RASL12: variants seen among roughly 807,000 people sequenced by gnomAD.
RASL12 encodes RAS like family 12, also known as ras-like protein family member 12.
Under a neutral mutation model 22.9 loss-of-function variants are expected in RASL12, and 16 were observed. The observed-to-expected ratio is 0.70, with a 90% CI of 0.47 to 1.06. RASL12 has a LOEUF of 1.06. Among genes scored for constraint, RASL12 ranks in the 50% least tolerant of loss-of-function variants. The pLI is 0.00. For synonymous variants in RASL12, 159 were observed against 152.2 expected, an observed-to-expected ratio of 1.04 and a Z score of -0.33; for missense variants, 306 against 353.1, an observed-to-expected ratio of 0.87 and a Z score of 1.07.
At chr15:65,070,960 G>T (rs1007342266), upstream of RASL12, among the ~76,000 whole-genome samples, 13 of 152,146 alleles carry the variant, frequency 8.5e-5, no homozygotes, top group African/African-American at 2.9e-4. Flanking sequence ...CAGGAGTCCT[G>T]ACTCCCAGTC....
At chr15:65,061,008 C>A (rs2086796602) in intron 2 of RASL12, among the ~76,000 whole-genome samples, 1 of 152,258 alleles carries the variant, frequency 6.6e-6, no homozygotes, top group African/African-American at 2.4e-5. Context: ...TAGATGCTTA[C>A]ATCGCTTTCA....
At chr15:65,051,630 G>T, downstream of RASL12, 1 of 1,609,440 alleles carries the variant, frequency 6.2e-7, no homozygotes, top group Non-Finnish European at 8.5e-7. Context: ...CTGGGGGGAT[G>T]GGGTGGTCTC....
chr15:65,053,200 C>T (rs2086678908), downstream of RASL12: 1 of 1,610,106 alleles, frequency 6.2e-7, no homozygotes, highest in Non-Finnish European at 8.5e-7. Flanking sequence ...AAGCCAGACA[C>T]ATGATGTGGG....
At chr15:65,065,890 A>T (rs1226074543) in intron 1 of RASL12, among the ~76,000 whole-genome samples, 2 of 152,118 alleles carry the variant, frequency 1.3e-5, no homozygotes, top group African/African-American at 4.8e-5. Flanking sequence ...ATCTCAGCAG[A>T]ATGTAAAACT....
At chr15:65,061,360 A>C (rs960939751) in intron 2 of RASL12, among the ~76,000 whole-genome samples, 1 of 152,218 alleles carries the variant, frequency 6.6e-6, no homozygotes, top group Non-Finnish European at 1.5e-5. Flanking sequence ...GGCAGAGTAC[A>C]AGGGAAGACC....
Position 65,054,737 on chromosome 15 carries a change from T to C in RASL12, c.*162A>G. 1 of 1,445,938 alleles carries C rather than the reference T, an allele frequency of 6.9e-7. No individual in the cohort carries two copies. The highest frequency in any genetic ancestry group is 9.1e-7 in the Non-Finnish European group (1 of 1,104,792). 89.6% of individuals were successfully genotyped at this position (1,445,938 alleles called of 1,614,324 possible). On this transcript the variant is annotated 3_prime_UTR_variant, in exon 5 of 5. Coordinates refer to ENST00000220062, the MANE Select transcript of RASL12 (RefSeq NM_016563.4). The stretch of plus-strand genomic sequence containing the variant: ...AGGGAACAGAAGCAGCATCCCTGCC[T>C]GCCACTCCAGCTCACACAGTGAATT...
intron 1 of RASL12, among the ~76,000 whole-genome samples, chr15:65,065,834 A>G (rs540741120): frequency 7.6e-4 from 116 of 152,226 alleles, no homozygotes; most frequent in African/African-American, 2.7e-3. Context: ...GGTCTCCCAC[A>G]TCGCAAGTCT....
At chr15:65,075,766 G>C (rs2086963156) in intron 1 of RASL12, among the ~76,000 whole-genome samples, 1 of 151,952 alleles carries the variant, frequency 6.6e-6, no homozygotes, top group African/African-American at 2.4e-5. Flanking sequence ...CCTGTGTCTA[G>C]CTCAGGGTTT....
chr15:65,058,172 G>A (rs1386016393), intron 4 of RASL12, among the ~76,000 whole-genome samples: 2 of 152,226 alleles, frequency 1.3e-5, no homozygotes, highest in African/African-American at 4.8e-5. Context: ...GGGAGGCTGA[G>A]GCAGGAGAAT....
the RASL12 span, among the ~76,000 whole-genome samples, chr15:65,047,831 A>AGATG: frequency 7.2e-6 from 1 of 138,316 alleles, no homozygotes; most frequent in African/African-American, 2.6e-5. Context: ...ATAGATAGAT[A>AGATG]GATAGAATCT....
chr15:65,053,373 C>T lies in RASL12; in HGVS notation c.*1526G>A. On this transcript the variant is annotated 3_prime_UTR_variant, in exon 5 of 5. Transcript: ENST00000220062. ...AAAAAAATCTTTTATTAAAATGCTC[C>T]TGGAAGGGAGCAGGTGGTATTGCAT... 7.2e-7 allele frequency: 1 copy of T among 1,391,052 alleles called. No homozygotes were observed. Among genetic ancestry groups the T allele is most frequent in the Non-Finnish European group, 9.3e-7 (1 of 1,078,084 alleles). The allele number at this position is 1,391,052 out of a possible 1,614,324, so 86.2% of individuals were successfully genotyped here.
the RASL12 span, among the ~76,000 whole-genome samples, chr15:65,046,226 G>A: frequency 4.6e-5 from 7 of 152,236 alleles, no homozygotes; most frequent in Admixed American, 2.0e-4. Context: ...ACTTGAACTC[G>A]GGAGGCGGAG....
chr15:65,048,203 A>T, the RASL12 span, among the ~76,000 whole-genome samples: 1 of 145,394 alleles, frequency 6.9e-6, no homozygotes, highest in African/African-American at 2.5e-5. Context: ...AAGAAAAAAA[A>T]AAAAGTCTAA....
In RASL12 at chr15:65,054,354, A is replaced by G; in HGVS notation, c.*545T>C. 1.0e-6 allele frequency: 1 copy of G among 985,872 alleles called. No homozygotes were observed. The highest frequency in any genetic ancestry group is 1.2e-6 in the Non-Finnish European group (1 of 830,288). 61.1% of individuals were successfully genotyped at this position (985,872 alleles called of 1,614,324 possible). A position where few individuals can be genotyped will look rare whatever the true frequency, so the allele number is the denominator to read the frequency against. On this transcript the variant is annotated 3_prime_UTR_variant, in exon 5 of 5. Transcript: ENST00000220062. The stretch of plus-strand genomic sequence containing the variant: ...TATTTTAACTAGATTTTCCTTGGAT[A>G]AACTGTGGGGTTTGTAGCCTGGGCC...
In RASL12 at chr15:65,053,942, G is replaced by A. The variant is rs893926845; in HGVS notation, c.*957C>T. On this transcript the variant is annotated 3_prime_UTR_variant, in exon 5 of 5. Coordinates refer to ENST00000220062, the MANE Select transcript of RASL12 (RefSeq NM_016563.4). The stretch of plus-strand genomic sequence containing the variant: ...AACCCAAAATGCTTTAGGTTCTAAA[G>A]TGGGCTTTGAACACTCAGACTCATT... 7.1e-6 allele frequency: 7 copies of A among 985,712 alleles called. No homozygotes were observed. In the African/African-American group the frequency reaches 1.2e-4, roughly 17 times the overall value. The allele number at this position is 985,712 out of a possible 1,614,324, so 61.1% of individuals were successfully genotyped here.
chr15:65,065,655 G>C (rs766744578), intron 1 of RASL12, among the ~76,000 whole-genome samples: 4 of 152,182 alleles, frequency 2.6e-5, no homozygotes, highest in Non-Finnish European at 4.4e-5. Flanking sequence ...CAGAGATTCT[G>C]AAGTGTGGGG....
intron 2 of RASL12, among the ~76,000 whole-genome samples, chr15:65,064,961 C>T (rs1007233502): frequency 1.3e-5 from 2 of 152,292 alleles, no homozygotes; most frequent in Middle Eastern, 3.4e-3. Context: ...AGTTTTTTCA[C>T]ACCTCATATT....
In RASL12 at chr15:65,059,379, G is replaced by A; in HGVS notation, c.200C>T (p.Pro67Leu). 1 of 1,614,120 alleles carries A rather than the reference G, an allele frequency of 6.2e-7. No individual in the cohort carries two copies. Residue 67 changes from proline (P) to leucine (L), a missense_variant, in exon 3 of 5, where the codon CCT becomes CTT. Physicochemically the swap from Pro to Leu is moderately conservative, Grantham distance 98. Coordinates refer to ENST00000220062, the MANE Select transcript of RASL12 (RefSeq NM_016563.4). Reference sequence around the variant, plus strand: ...AGTGTCCATGACCCTCAGGTGGACAGGCTGGTGGTCCACAGTCTCCTCGGA... The same window carrying A: ...AGTGTCCATGACCCTCAGGTGGACAAGCTGGTGGTCCACAGTCTCCTCGGA... ...YSSEETVDHQ[P>L]VHLRVMDTAD...
At chr15:65,071,657 C>T (rs963910773), upstream of RASL12, among the ~76,000 whole-genome samples, 1 of 152,166 alleles carries the variant, frequency 6.6e-6, no homozygotes, top group African/African-American at 2.4e-5. Context: ...AAACTTCAGC[C>T]AGGAGGGGTT....
Sources: allele counts gnomAD v4.1 joint callset (sites outside exome capture counted in the v4.1 genomes callset), GRCh38; gene constraint gnomAD v4.1.1; transcripts MANE v1.5; gene names NCBI Gene and HGNC (gene_info 2026-07-23, HGNC 2026-07-21).